CD177: variants seen among roughly 807,000 people sequenced by gnomAD.
CD177 encodes the protein CD177 molecule.
CD177 carries 41 observed loss-of-function variants against 38.1 expected under a neutral mutation model. The observed-to-expected ratio is 1.07, with a 90% confidence interval of 0.84 to 1.39. The LOEUF is 1.39. Ranked by LOEUF, CD177 falls within the 40% of genes most tolerant of loss-of-function variation. CD177 has a pLI of 0.00. For missense variants in CD177, 619 were observed against 523.8 expected, an observed-to-expected ratio of 1.18 and a Z score of -1.77; for synonymous variants, 236 against 216.7, an observed-to-expected ratio of 1.09 and a Z score of -0.78.
At chr19:43,355,428 C>T in intron 3 of CD177, 1 of 502,886 alleles carries the variant, frequency 2.0e-6, no homozygotes, top group Admixed American at 2.3e-5. Flanking sequence ...ACTTTCTGTA[C>T]CCAGCCCTGG....
rs753696627 is a variant in CD177, at chr19:43,354,410, G to A, written c.379+18G>A. 4 of 1,612,462 alleles carry A rather than the reference G, an allele frequency of 2.5e-6. No homozygotes were observed. The highest frequency in any genetic ancestry group is 2.5e-6 in the Non-Finnish European group (3 of 1,179,066). ...CCCAGCAGGTGCCTGCGGGAGGGTCGGGAGGAGAGGGAGGGGCTGCTAGAA... is the reference window on the plus strand; with the variant it reads ...CCCAGCAGGTGCCTGCGGGAGGGTCAGGAGGAGAGGGAGGGGCTGCTAGAA... On this transcript the variant is annotated intron_variant, in intron 3 of 8. Transcript: ENST00000618265.
At chr19:43,360,488 T>C in intron 6 of CD177, 83 bp downstream of exon 6, 1 of 1,381,040 alleles carries the variant, frequency 7.2e-7, no homozygotes, top group Non-Finnish European at 9.9e-7. Context: ...TTCCCCTGAA[T>C]TTCCTGCTCA....
At chr19:43,360,039 C>A (rs1410665483) in intron 5 of CD177, among the ~76,000 whole-genome samples, 18 of 151,854 alleles carry the variant, frequency 1.2e-4, no homozygotes, top group Middle Eastern at 3.4e-3. Context: ...GGCCGTTCCC[C>A]CAGGGCTGTG....
At position 43,362,383 on chromosome 19, in the gene CD177, C is replaced by G; in HGVS notation, c.*63C>G. The stretch of plus-strand genomic sequence containing the variant: ...CCCACACTCAACCTCCCTCTGACCT[C>G]ATAACCTAATGGCCTTGGACACCAG... On this transcript the variant is annotated 3_prime_UTR_variant, in exon 9 of 9. Coordinates refer to ENST00000618265, the MANE Select transcript of CD177 (RefSeq NM_020406.4). 1.4e-6 allele frequency: 1 copy of G among 709,236 alleles called. No individual in the cohort carries two copies. The highest frequency in any genetic ancestry group is 2.7e-5 in the East Asian group (1 of 36,680). The allele number at this position is 709,236 out of a possible 1,614,324, so 43.9% of individuals were successfully genotyped here.
rs1969895759 is a variant in CD177, at chr19:43,354,542, G to A, written c.379+150G>A. ...CTCCCCTGACTGCTCCCTGACCATC[G>A]CCCCGCCCCGCTCCCTTTCCATCCC... On this transcript the variant is annotated intron_variant, in intron 3 of 8. Coordinates refer to ENST00000618265, the MANE Select transcript of CD177 (RefSeq NM_020406.4). 1.1e-5 allele frequency: 8 copies of A among 751,616 alleles called. 1 individual carries two copies. Among genetic ancestry groups the A allele is most frequent in the East Asian group, 8.1e-5 (3 of 36,926 alleles). The allele number at this position is 751,616 out of a possible 1,614,324, so 46.6% of individuals were successfully genotyped here. A position where few individuals can be genotyped will look rare whatever the true frequency, so the allele number is the denominator to read the frequency against.
chr19:43,354,428 T>C, intron 3 of CD177, 36 bp downstream of exon 3: 1 of 1,605,688 alleles, frequency 6.2e-7, no homozygotes, highest in Admixed American at 1.7e-5. Context: ...AGGGAGGGGC[T>C]GCTAGAAGGG....
At chr19:43,355,486 A>C (rs901157592) in intron 3 of CD177, 175 bp from the exon 4 acceptor site, 1 of 717,276 alleles carries the variant, frequency 1.4e-6, no homozygotes, top group Admixed American at 2.1e-5. Flanking sequence ...TCTTTTATGG[A>C]TTACACTTCT....
In CD177 at chr19:43,362,536, G is replaced by A. The variant is rs1374393398; in HGVS notation, c.*216G>A. On this transcript the variant is annotated 3_prime_UTR_variant, in exon 9 of 9. Transcript: ENST00000618265. The stretch of plus-strand genomic sequence containing the variant: ...CCCTATGGGAGAGGGGACGCTGGAG[G>A]AGTGGCTGCATGTATCTGATAATAC... 4.3e-6 allele frequency: 2 copies of A among 463,776 alleles called. No homozygotes were observed. Among genetic ancestry groups the A allele is most frequent in the African/African-American group, 2.0e-5 (1 of 50,862 alleles). 28.7% of individuals were successfully genotyped at this position (463,776 alleles called of 1,614,324 possible). A position where few individuals can be genotyped will look rare whatever the true frequency, so the allele number is the denominator to read the frequency against.
chr19:43,361,084 AGCCCCTGCT>A, intron 6 of CD177, 50 bp from the exon 7 acceptor site: 1 of 699,174 alleles, frequency 1.4e-6, no homozygotes, highest in Non-Finnish European at 2.5e-6. Flanking sequence ...CCAGCTCTGG[AGCCCCTGCT>A]GCCCTGGGAG....
At chr19:43,365,868 G>A (rs1444612819), downstream of CD177, among the ~76,000 whole-genome samples, 3 of 152,166 alleles carry the variant, frequency 2.0e-5, no homozygotes, top group Non-Finnish European at 4.4e-5. Context: ...CCTCAGACCT[G>A]CTTGAGCCTG....
chr19:43,354,072 C>T, intron 2 of CD177, 79 bp downstream of exon 2: 1 of 1,573,606 alleles, frequency 6.4e-7, no homozygotes, highest in Admixed American at 1.8e-5. Context: ...CGGGAGCCAC[C>T]CCTCCGGGGG....
In CD177 at chr19:43,362,281, C is replaced by A; in HGVS notation, c.1275C>A (p.Ala425=). 1 of 1,594,324 alleles carries A rather than the reference C, an allele frequency of 6.3e-7. No individual in the cohort carries two copies. Among genetic ancestry groups the A allele is most frequent in the Non-Finnish European group, 8.6e-7 (1 of 1,163,338 alleles). ...SLTWGVGLAL[A]PALWWGVVCP... ...CTTGGGGGGTGGGGCTGGCACTGGCCCCAGCGCTGTGGTGGGGAGTGGTTT... is the reference window on the plus strand; with the variant it reads ...CTTGGGGGGTGGGGCTGGCACTGGCACCAGCGCTGTGGTGGGGAGTGGTTT... Residue 425 remains alanine (A), a synonymous_variant, in exon 9 of 9, where the codon GCC becomes GCA. Transcript: ENST00000618265.
Position 43,362,212 on chromosome 19 carries a change from C to G in CD177, c.1206C>G (p.Ala402=), listed in dbSNP as rs1969981111. ...AREKRDVQPP[A]SQHEGGGAEG... ...AGAAGCGTGATGTGCAGCCTCCTGC[C>G]TCTCAGCATGAGGGAGGTGGGGCTG... is the stretch of plus-strand genomic sequence containing the variant. Residue 402 remains alanine (A), a synonymous_variant, in exon 9 of 9, where the codon GCC becomes GCG. Coordinates refer to ENST00000618265, the MANE Select transcript of CD177 (RefSeq NM_020406.4). The G allele has an allele frequency of 6.2e-7, 1 of 1,611,466 alleles. No individual in the cohort carries two copies. The highest frequency in any genetic ancestry group is 8.5e-7 in the Non-Finnish European group (1 of 1,178,028).
At chr19:43,353,820 C>A in intron 1 of CD177, 33 bp from the exon 2 acceptor site, 1 of 1,613,722 alleles carries the variant, frequency 6.2e-7, no homozygotes, top group Non-Finnish European at 8.5e-7. Context: ...GCAAGGGAAC[C>A]CTGCTGAGAT....
intron 3 of CD177, 92 bp downstream of exon 3, chr19:43,354,484 C>T: frequency 2.9e-6 from 4 of 1,358,038 alleles, no homozygotes; most frequent in Non-Finnish European, 4.1e-6. Context: ...CTCCCACCCT[C>T]GCTCGCTATC....
chr19:43,362,132 C>A lies in CD177; in HGVS notation c.1126C>A (p.Pro376Thr), dbSNP rs1171028048. The stretch of plus-strand genomic sequence containing the variant: ...GAGCATTCAGGGCTGCGTGGCCCAA[C>A]CTTCCAGCTTCTTGTTGAACCACAC... ...KMSIQGCVAQPSSFLLNHTRQ... is the reference protein window; with the variant it reads ...KMSIQGCVAQTSSFLLNHTRQ... The change falls in exon 9 of 9, where the codon CCT becomes ACT. Residue 376 changes from proline (P) to threonine (T), a missense_variant. By Grantham distance (38) the Pro-to-Thr change is conservative. Transcript: ENST00000618265. 5 of 1,613,804 alleles carry A rather than the reference C, an allele frequency of 3.1e-6. No homozygotes were observed. Among genetic ancestry groups the A allele is most frequent in the East Asian group, 2.2e-5 (1 of 44,874 alleles).
chr19:43,359,727 G>A (rs1340519372), intron 5 of CD177, among the ~76,000 whole-genome samples: 1 of 81,156 alleles, frequency 1.2e-5, no homozygotes, highest in Non-Finnish European at 2.4e-5. Context: ...CTACTGCTGG[G>A]GTGCTGTGGG....
At chr19:43,354,812 T>C (rs1599875954) in intron 3 of CD177, among the ~76,000 whole-genome samples, 2 of 151,912 alleles carry the variant, frequency 1.3e-5, no homozygotes, top group East Asian at 1.9e-4. Context: ...TTATAAAGAG[T>C]CTAGGGAGAT....
downstream of CD177, chr19:43,363,206 A>C (rs1326058965): frequency 6.6e-6 from 1 of 152,212 alleles, no homozygotes; most frequent in East Asian, 1.9e-4. Flanking sequence ...CGCTGACCCA[A>C]ACGTTGCTAT....
Sources: gnomAD v4.1 joint callset for allele counts (sites outside exome capture counted in the v4.1 genomes callset) on GRCh38, gnomAD v4.1.1 for gene constraint, MANE v1.5 for transcripts, NCBI Gene and HGNC (gene_info 2026-07-23, HGNC 2026-07-21) for gene names.